The following NEDD4L variants were observed in gnomAD, a reference collection of about 807,000 sequenced individuals.
The protein encoded by NEDD4L is NEDD4 like E3 ubiquitin protein ligase.
A neutral mutation model predicts 148.9 loss-of-function variants in NEDD4L; 54 were observed. The ratio of observed to expected loss-of-function variants is 0.36; its 90% CI spans 0.29 to 0.45. The LOEUF (loss-of-function observed/expected upper bound fraction) is 0.45. NEDD4L is among the 20% of genes least tolerant of loss of function. NEDD4L has a pLI of 1.00. For missense variants in NEDD4L, 856 were observed against 1,233.8 expected (o/e 0.69, Z 4.59); for synonymous variants, 433 against 440.7 (o/e 0.98, Z 0.22).
chr18:58,105,409 G>T (rs879854407), intron 1 of NEDD4L, among the ~76,000 whole-genome samples: 29 of 152,312 alleles, frequency 1.9e-4, no homozygotes, highest in African/African-American at 7.0e-4. Context: ...GGGAGGGTAG[G>T]GGAGTGTGCC....
In NEDD4L at chr18:58,316,073, G is replaced by A. The variant is rs765875924; in HGVS notation, c.348+41G>A. 3.1e-5 allele frequency: 48 copies of A among 1,527,664 alleles called. No individual in the cohort carries two copies. In the South Asian group the frequency reaches 5.0e-4, roughly 16 times the overall value. 94.6% of individuals were successfully genotyped at this position (1,527,664 alleles called of 1,614,324 possible). On this transcript the variant is annotated intron_variant, in intron 6 of 30. Coordinates refer to ENST00000400345, the MANE Select transcript of NEDD4L (RefSeq NM_001144967.3). ...TGTTTGATGCTTCGTGCTGGGGGCG[G>A]GGGTTTCTAATTGTTTGTAGTCAGT...
chr18:58,326,049 C>T (rs1431781183), intron 9 of NEDD4L, among the ~76,000 whole-genome samples: 4 of 152,074 alleles, frequency 2.6e-5, no homozygotes, highest in African/African-American at 7.2e-5. Flanking sequence ...CTTGTCTACT[C>T]GAACTCTGAA....
chr18:58,352,987 C>T (rs934518402), intron 18 of NEDD4L, among the ~76,000 whole-genome samples: 1 of 152,268 alleles, frequency 6.6e-6, no homozygotes, highest in Admixed American at 6.5e-5. Context: ...TGTCATAGAC[C>T]TAGTATGATA....
chr18:58,144,490 G>A (rs751040199), intron 1 of NEDD4L, among the ~76,000 whole-genome samples: 5 of 152,138 alleles, frequency 3.3e-5, no homozygotes, highest in African/African-American at 7.2e-5. Context: ...CTCCAACACC[G>A]GGGATTATTG....
At chr18:58,181,596 AT>A (rs1251618127) in intron 2 of NEDD4L, among the ~76,000 whole-genome samples, 5 of 149,770 alleles carry the variant, frequency 3.3e-5, no homozygotes, top group African/African-American at 7.4e-5. Flanking sequence ...TGCCCAGCTA[AT>A]TTTTTTTTTC....
At chr18:58,276,777 T>A (rs1380737735) in intron 5 of NEDD4L, among the ~76,000 whole-genome samples, 3 of 151,910 alleles carry the variant, frequency 2.0e-5, no homozygotes, top group Admixed American at 2.0e-4. Flanking sequence ...TAAGGAGGAT[T>A]TTAAGCTGGA....
intron 2 of NEDD4L, among the ~76,000 whole-genome samples, chr18:58,220,719 C>A (rs2043659391): frequency 6.6e-6 from 1 of 152,198 alleles, no homozygotes; most frequent in Non-Finnish European, 1.5e-5. Flanking sequence ...AGAGCCGCAT[C>A]TGCTGGGGTG....
At chr18:58,291,325 C>T (rs1025256345) in intron 5 of NEDD4L, among the ~76,000 whole-genome samples, 2 of 152,254 alleles carry the variant, frequency 1.3e-5, no homozygotes, top group Non-Finnish European at 2.9e-5. Context: ...TTAGCCAAAA[C>T]TGGTAAGATG....
chr18:58,390,637 T>C lies in NEDD4L; in HGVS notation c.2656-9T>C. 1 of 1,569,180 alleles carries C rather than the reference T, an allele frequency of 6.4e-7. No homozygotes were observed. Among genetic ancestry groups the C allele is most frequent in the Non-Finnish European group, 8.7e-7 (1 of 1,153,032 alleles). On this transcript the variant is annotated splice_polypyrimidine_tract_variant and intron_variant, in intron 28 of 30. Transcript: ENST00000400345. ...GGGGGGTATAATGACCTTCTGCCTC[T>C]GTTCATAGGCTGTGCTACTCATGGA...
At chr18:58,324,846 T>A (rs1403525176) in intron 8 of NEDD4L, 150 bp from the exon 9 acceptor site, 4 of 699,938 alleles carry the variant, frequency 5.7e-6, no homozygotes, top group Non-Finnish European at 9.6e-6. Context: ...GGCCTTCATT[T>A]GGGAATTTAC....
chr18:58,259,534 C>T (rs924445195), intron 5 of NEDD4L, among the ~76,000 whole-genome samples: 2 of 152,070 alleles, frequency 1.3e-5, no homozygotes, highest in Non-Finnish European at 2.9e-5. Context: ...CTTTGTATGC[C>T]ATTTTGTGCA....
At position 58,397,595 on chromosome 18, in the gene NEDD4L, A is replaced by G. The variant is rs1180985879; in HGVS notation, c.*1326A>G. The G allele has an allele frequency of 6.6e-6, 1 of 152,344 alleles. No homozygotes were observed. The highest frequency in any genetic ancestry group is 1.5e-5 in the Non-Finnish European group (1 of 68,050). 9.4% of individuals were successfully genotyped at this position (152,344 alleles called of 1,614,324 possible). ...TACCAATGACCTGTTGCATGCTTCA[A>G]TACCGTGTACTGCCTGAGTTGTGCC... On this transcript the variant is annotated 3_prime_UTR_variant, in exon 31 of 31. Coordinates refer to ENST00000400345, the MANE Select transcript of NEDD4L (RefSeq NM_001144967.3).
At chr18:58,344,278 G>T (rs2042784761) in intron 16 of NEDD4L, among the ~76,000 whole-genome samples, 1 of 152,166 alleles carries the variant, frequency 6.6e-6, no homozygotes, top group South Asian at 2.1e-4. Flanking sequence ...CAGTCCAGCA[G>T]GTCTAGAGGG....
intron 6 of NEDD4L, 41 bp downstream of exon 6, chr18:58,316,073 G>T: frequency 6.5e-7 from 1 of 1,527,780 alleles, no homozygotes; most frequent in African/African-American, 1.4e-5. Context: ...GCTGGGGGCG[G>T]GGGTTTCTAA....
chr18:58,184,073 G>A (rs555899954), intron 2 of NEDD4L, among the ~76,000 whole-genome samples: 1 of 152,294 alleles, frequency 6.6e-6, no homozygotes, highest in Non-Finnish European at 1.5e-5. Context: ...GGAGGCTGAG[G>A]CAGGAGAATG....
At chr18:58,386,469 T>A (rs1255181485) in intron 26 of NEDD4L, among the ~76,000 whole-genome samples, 2 of 152,218 alleles carry the variant, frequency 1.3e-5, no homozygotes, top group African/African-American at 4.8e-5. Context: ...ATTTATTTTA[T>A]ACCCAGCCAC....
intron 2 of NEDD4L, among the ~76,000 whole-genome samples, chr18:58,239,034 A>G (rs2046338470): frequency 6.6e-6 from 1 of 152,266 alleles, no homozygotes; most frequent in South Asian, 2.1e-4. Flanking sequence ...CTTGATGGTA[A>G]CAGTAAAAGT....
intron 1 of NEDD4L, among the ~76,000 whole-genome samples, chr18:58,128,870 G>A (rs1020571225): frequency 6.6e-6 from 1 of 152,158 alleles, no homozygotes; most frequent in African/African-American, 2.4e-5. Flanking sequence ...GCGAGCTCAC[G>A]GTACTGTTAA....
At chr18:58,201,805 T>A (rs1043149714) in intron 2 of NEDD4L, among the ~76,000 whole-genome samples, 1 of 152,208 alleles carries the variant, frequency 6.6e-6, no homozygotes, top group African/African-American at 2.4e-5. Context: ...TACATACTGT[T>A]CTGAGCCCTG....
Sources: allele counts gnomAD v4.1 joint callset (sites outside exome capture counted in the v4.1 genomes callset), GRCh38; gene constraint gnomAD v4.1.1; transcripts MANE v1.5; gene names NCBI Gene and HGNC (gene_info 2026-07-23, HGNC 2026-07-21).